AK9: variants seen among roughly 807,000 people sequenced by gnomAD.
AK9 encodes the protein adenylate kinase 9.
In AK9, 191 loss-of-function variants were observed where a neutral mutation model predicts 239.6. The observed-to-expected ratio is 0.80, with a 90% CI of 0.71 to 0.90. AK9 has a LOEUF of 0.90. Among genes scored for constraint, AK9 ranks in the 40% least tolerant of loss-of-function variants. AK9 has a pLI of 0.00. For synonymous variants in AK9, 689 were observed against 721.0 expected (o/e 0.96, Z 0.71); for missense variants, 1,995 against 2,214.7 (o/e 0.90, Z 1.99).
chr6:109,550,182 G>A lies in AK9; in HGVS notation c.2872C>T (p.Arg958Ter), dbSNP rs1471934333. 3 of 1,613,600 alleles carry A rather than the reference G, an allele frequency of 1.9e-6. No homozygotes were observed. Among genetic ancestry groups the A allele is most frequent in the Admixed American group, 1.7e-5 (1 of 59,984 alleles). ...CTTGAAAAGTAGTAGATCTTTTCTC[G>A]ATACTTGGCTGCTTCTTCTGTGTTT... The part of the protein sequence containing the change: ...PGNTEEAAKY[R>*]EKIYYFSSAE... Residue 958 changes from arginine to a stop codon, truncating the protein, a stop_gained, in exon 25 of 41, where the codon CGA becomes TGA. Transcript: ENST00000424296. LOFTEE classifies it high-confidence loss of function.
intron 21 of AK9, among the ~76,000 whole-genome samples, chr6:109,572,473 G>A (rs1169878271): frequency 1.3e-5 from 2 of 152,198 alleles, no homozygotes; most frequent in African/African-American, 2.4e-5. Context: ...CCTATGGATC[G>A]TGAGGATGGA....
At chr6:109,584,237 T>G (rs959666865) in intron 19 of AK9, among the ~76,000 whole-genome samples, 3 of 152,108 alleles carry the variant, frequency 2.0e-5, no homozygotes, top group African/African-American at 7.2e-5. Flanking sequence ...TCTGTAATTA[T>G]CCACCTCCCA....
At chr6:109,643,185 A>G (rs1437875386) in intron 9 of AK9, among the ~76,000 whole-genome samples, 1 of 152,240 alleles carries the variant, frequency 6.6e-6, no homozygotes, top group Non-Finnish European at 1.5e-5. Flanking sequence ...AGATTGAATT[A>G]GATGAAGACT....
intron 5 of AK9, among the ~76,000 whole-genome samples, chr6:109,666,784 C>T (rs774911675): frequency 2.6e-5 from 4 of 152,224 alleles, no homozygotes. Context: ...ACCCATCTGA[C>T]CTCTGGCCAG....
chr6:109,598,993 G>T (rs1345253385), intron 17 of AK9, among the ~76,000 whole-genome samples: 1 of 152,164 alleles, frequency 6.6e-6, no homozygotes, highest in African/African-American at 2.4e-5. Context: ...CAGATGGGTA[G>T]ATTGCAAAAA....
intron 28 of AK9, 150 bp downstream of exon 28, chr6:109,533,101 T>C: frequency 3.4e-6 from 2 of 584,628 alleles, no homozygotes; most frequent in Non-Finnish European, 5.4e-6. Flanking sequence ...TCTTAACTCT[T>C]ATTATAGTCT....
At chr6:109,497,350 A>T (rs1408590047) in intron 38 of AK9, 115 bp downstream of exon 38, 1 of 633,082 alleles carries the variant, frequency 1.6e-6, no homozygotes, top group African/African-American at 2.6e-5. Context: ...ACACACACAC[A>T]CACACACACA....
At chr6:109,621,013 A>G (rs373917718) in intron 12 of AK9, among the ~76,000 whole-genome samples, 1 of 151,966 alleles carries the variant, frequency 6.6e-6, no homozygotes, top group Non-Finnish European at 1.5e-5. Context: ...AAAACTGTCA[A>G]AGATCTACAA....
intron 21 of AK9, among the ~76,000 whole-genome samples, chr6:109,569,113 G>A (rs1470399143): frequency 6.6e-6 from 1 of 151,824 alleles, no homozygotes; most frequent in Non-Finnish European, 1.5e-5. Flanking sequence ...TAGAGCCCCT[G>A]GAAATAATAC....
At chr6:109,587,565 G>A (rs1467103543) in intron 17 of AK9, among the ~76,000 whole-genome samples, 1 of 151,902 alleles carries the variant, frequency 6.6e-6, no homozygotes, top group African/African-American at 2.4e-5. Context: ...GCTTCCATGT[G>A]TACACATTGT....
chr6:109,493,917 C>A (rs749508310), intron 40 of AK9, 64 bp downstream of exon 40: 28 of 1,238,642 alleles, frequency 2.3e-5, no homozygotes, highest in Non-Finnish European at 3.0e-5. Flanking sequence ...CAATCCTATT[C>A]ATCACTTATA....
chr6:109,513,686 G>C (rs894691555), intron 32 of AK9, among the ~76,000 whole-genome samples: 29 of 152,136 alleles, frequency 1.9e-4, no homozygotes, highest in Non-Finnish European at 3.7e-4. Context: ...CCTGAATCAG[G>C]CTGCACCTTT....
At chr6:109,581,075 A>G (rs1788797115) in intron 19 of AK9, among the ~76,000 whole-genome samples, 1 of 152,120 alleles carries the variant, frequency 6.6e-6, no homozygotes, top group South Asian at 2.1e-4. Context: ...CCACATCTAT[A>G]TAAGACGGTG....
chr6:109,639,628 G>T (rs914772535), intron 10 of AK9, among the ~76,000 whole-genome samples: 1 of 152,024 alleles, frequency 6.6e-6, no homozygotes, highest in South Asian at 2.1e-4. Context: ...AGTTTCTTTT[G>T]CTGGGCAGAA....
At chr6:109,665,253 G>A (rs773145469) in intron 5 of AK9, among the ~76,000 whole-genome samples, 12 of 152,216 alleles carry the variant, frequency 7.9e-5, no homozygotes, top group Non-Finnish European at 1.6e-4. Context: ...TATATGAACT[G>A]TAGGTATGAT....
intron 1 of AK9, among the ~76,000 whole-genome samples, chr6:109,679,062 GT>G (rs1271880967): frequency 6.6e-6 from 1 of 152,138 alleles, no homozygotes; most frequent in Non-Finnish European, 1.5e-5. Flanking sequence ...AGCTGCAGGA[GT>G]TTTTTTCATA....
intron 17 of AK9, among the ~76,000 whole-genome samples, chr6:109,587,744 G>A (rs1411057406): frequency 6.6e-6 from 1 of 152,144 alleles, no homozygotes; most frequent in South Asian, 2.1e-4. Flanking sequence ...TAATAGCGCT[G>A]CAATAAGCAT....
intron 10 of AK9, among the ~76,000 whole-genome samples, chr6:109,640,556 C>T (rs1018222833): frequency 8.1e-5 from 12 of 148,432 alleles, no homozygotes; most frequent in African/African-American, 3.0e-4. Context: ...TCCTATTTGG[C>T]CATCTTGGAA....
At chr6:109,659,493 A>G in intron 6 of AK9, 80 bp from the exon 7 acceptor site, 1 of 1,491,060 alleles carries the variant, frequency 6.7e-7, no homozygotes, top group Non-Finnish European at 8.9e-7. Context: ...AATATATTGT[A>G]CAGTACATAA....
Sources: allele counts gnomAD v4.1 joint callset (sites outside exome capture counted in the v4.1 genomes callset), GRCh38; gene constraint gnomAD v4.1.1; transcripts MANE v1.5; gene names NCBI Gene and HGNC (gene_info 2026-07-23, HGNC 2026-07-21).